The following GRM1 variants were observed in gnomAD, a reference collection of about 807,000 sequenced individuals.
The protein encoded by GRM1 is metabotropic glutamate receptor 1.
Under a neutral mutation model 90.9 loss-of-function variants are expected in GRM1, and 33 were observed. The ratio of observed to expected loss-of-function variants is 0.36; its 90% CI spans 0.28 to 0.49. The LOEUF (loss-of-function observed/expected upper bound fraction) is 0.49. GRM1 is among the 20% of genes least tolerant of loss of function. The pLI, the probability that GRM1 is intolerant of heterozygous loss-of-function variation, is 0.99. For synonymous variants in GRM1, 700 were observed against 613.2 expected (o/e 1.14, Z -2.09); for missense variants, 1,190 against 1,534.3 (o/e 0.78, Z 3.75).
intron 2 of GRM1, among the ~76,000 whole-genome samples, chr6:146,231,546 G>A (rs1780451117): frequency 6.6e-6 from 1 of 152,018 alleles, no homozygotes; most frequent in African/African-American, 2.4e-5. Context: ...AAGGCAAGAT[G>A]ACAGATTTAG....
chr6:146,142,970 C>T (rs1484498137), intron 1 of GRM1, among the ~76,000 whole-genome samples: 4 of 152,130 alleles, frequency 2.6e-5, no homozygotes, highest in Admixed American at 2.6e-4. Flanking sequence ...AGTAGTCTCC[C>T]ATCATAGCTA....
chr6:146,240,386 G>A (rs538349868), intron 2 of GRM1, among the ~76,000 whole-genome samples: 151 of 152,016 alleles, frequency 9.9e-4, no homozygotes, highest in Middle Eastern at 6.8e-3. Flanking sequence ...GAAACTGTGA[G>A]GCAAGGCAGG....
intron 2 of GRM1, among the ~76,000 whole-genome samples, chr6:146,281,308 A>G (rs554717659): frequency 6.6e-6 from 1 of 152,266 alleles, no homozygotes; most frequent in East Asian, 1.9e-4. Context: ...GCTCCTGACT[A>G]GTTGTAAGAT....
chr6:146,191,807 A>C (rs1234076618), intron 2 of GRM1, among the ~76,000 whole-genome samples: 1 of 152,006 alleles, frequency 6.6e-6, no homozygotes, highest in Non-Finnish European at 1.5e-5. Context: ...AAAGCAATCT[A>C]TCACCTTTTG....
chr6:146,289,289 T>C (rs1187809676), intron 2 of GRM1, among the ~76,000 whole-genome samples: 6 of 152,156 alleles, frequency 3.9e-5, no homozygotes, highest in African/African-American at 1.4e-4. Flanking sequence ...TGGTGCTGTG[T>C]AAACCTAGGC....
intron 1 of GRM1, among the ~76,000 whole-genome samples, chr6:146,113,137 A>G (rs1346226441): frequency 1.3e-5 from 2 of 152,226 alleles, no homozygotes; most frequent in African/African-American, 4.8e-5. Context: ...CTTTAATTTA[A>G]GTGTGATTTA....
chr6:146,168,285 TA>T (rs1418685139), intron 2 of GRM1, among the ~76,000 whole-genome samples: 2 of 152,038 alleles, frequency 1.3e-5, no homozygotes, highest in African/African-American at 4.8e-5. Flanking sequence ...ATCTAGGGTT[TA>T]AAATATACTT....
intron 7 of GRM1, among the ~76,000 whole-genome samples, chr6:146,415,390 T>C (rs924689212): frequency 6.6e-6 from 1 of 152,226 alleles, no homozygotes; most frequent in Non-Finnish European, 1.5e-5. Flanking sequence ...CAGTTCATAA[T>C]AGAATGGATC....
chr6:146,236,350 TAG>T (rs1780644799), intron 2 of GRM1, among the ~76,000 whole-genome samples: 1 of 152,206 alleles, frequency 6.6e-6, no homozygotes, highest in Non-Finnish European at 1.5e-5. Context: ...GTTCGTTTGC[TAG>T]AGAGTTGTTC....
rs540107208 is a variant in GRM1 at position 146,128,671 on chromosome 6, A to G, written c.701-30677A>G. ...GAAAAACTTTGGGAAACTTTTTCAG[A>G]AATATTAATATTTTAGATTTCAGAC... On this transcript the variant is annotated intron_variant, in intron 1 of 7. Coordinates refer to ENST00000282753, the MANE Select transcript of GRM1 (RefSeq NM_001278064.2). 3.9e-5 allele frequency among the ~76,000 whole-genome samples: 6 copies of G among 152,330 alleles called. No homozygotes were observed. In the South Asian group the frequency reaches 1.2e-3, roughly 32 times the overall value.
intron 1 of GRM1, among the ~76,000 whole-genome samples, chr6:146,096,210 C>T (rs368879340): frequency 3.3e-4 from 50 of 152,268 alleles, no homozygotes; most frequent in African/African-American, 1.1e-3. Context: ...AACCTGCACA[C>T]ATTTAATGTA....
intron 1 of GRM1, among the ~76,000 whole-genome samples, chr6:146,071,917 C>A (rs1162822492): frequency 6.6e-6 from 1 of 152,114 alleles, no homozygotes; most frequent in Non-Finnish European, 1.5e-5. Context: ...GGAGGGAATT[C>A]TGGAAACAAA....
intron 2 of GRM1, among the ~76,000 whole-genome samples, chr6:146,208,534 A>G (rs1430019485): frequency 6.6e-6 from 1 of 152,104 alleles, no homozygotes; most frequent in Non-Finnish European, 1.5e-5. Flanking sequence ...ATATCATCTA[A>G]ATAGATACTT....
At chr6:146,078,421 G>T (rs956985481) in intron 1 of GRM1, among the ~76,000 whole-genome samples, 2 of 152,260 alleles carry the variant, frequency 1.3e-5, no homozygotes, top group East Asian at 3.9e-4. Flanking sequence ...AAAAGAAAAA[G>T]ATTCTGGCTG....
intron 2 of GRM1, among the ~76,000 whole-genome samples, chr6:146,287,223 G>T (rs1044948043): frequency 2.0e-5 from 3 of 152,108 alleles, no homozygotes. Context: ...CATAATTTTG[G>T]CTTGGAGTTG....
intron 1 of GRM1, among the ~76,000 whole-genome samples, chr6:146,058,382 A>G (rs893479542): frequency 1.4e-4 from 22 of 152,188 alleles, no homozygotes; most frequent in African/African-American, 4.6e-4. Flanking sequence ...TGTTTACACT[A>G]TACTATAATT....
chr6:146,292,750 C>A (rs2114889795), intron 2 of GRM1, among the ~76,000 whole-genome samples: 1 of 151,996 alleles, frequency 6.6e-6, no homozygotes, highest in East Asian at 1.9e-4. Context: ...TATGACCCAG[C>A]ATTTTCATTC....
chr6:146,290,980 AC>A lies in GRM1; in HGVS notation c.951-13625del, dbSNP rs551424400. On this transcript the variant is annotated intron_variant, in intron 2 of 7. Coordinates refer to ENST00000282753, the MANE Select transcript of GRM1 (RefSeq NM_001278064.2). ...GCAGACTGTGGTAGGCACAATAATG[AC>A]CCCCCAAAAATGTCTACATCATAAT... Among the ~76,000 whole-genome samples, 142 of 151,956 alleles carry A rather than the reference AC, an allele frequency of 9.3e-4. 1 individual carries two copies. The highest frequency in any genetic ancestry group is 1.7e-3 in the Non-Finnish European group (116 of 67,932).
rs140986843 is a variant in GRM1, at chr6:146,433,950, C to G, written c.2739C>G (p.Leu913=). Residue 913 remains leucine, a synonymous_variant, in exon 8 of 8, where the codon CTC becomes CTG. Coordinates refer to ENST00000282753, the MANE Select transcript of GRM1 (RefSeq NM_001278064.2). ...AGGGACAGCATATGTGGCACCGCCT[C>G]TCTGTGCACGTGAAGACCAATGAGA... ...VPKGQHMWHR[L]SVHVKTNETA... 4.3e-6 allele frequency: 7 copies of G among 1,613,700 alleles called. No individual in the cohort carries two copies. The highest frequency in any genetic ancestry group is 3.3e-5 in the Admixed American group (2 of 60,008).
Sources: allele counts gnomAD v4.1 joint callset (sites outside exome capture counted in the v4.1 genomes callset), GRCh38; gene constraint gnomAD v4.1.1; transcripts MANE v1.5; gene names NCBI Gene and HGNC (gene_info 2026-07-23, HGNC 2026-07-21).